The following WDR43 variants were observed in gnomAD, a reference collection of about 807,000 sequenced individuals.
WDR43 encodes WD repeat-containing protein 43.
A neutral mutation model predicts 91.4 loss-of-function variants in WDR43; 13 were observed. The ratio of observed to expected loss-of-function variants is 0.14; its 90% CI spans 0.09 to 0.23. The LOEUF (loss-of-function observed/expected upper bound fraction) is 0.23, where lower values mean the gene tolerates loss of function less well. WDR43 is among the 10% of genes least tolerant of loss of function. The pLI is 1.00. For missense variants in WDR43, 780 were observed against 809.4 expected (o/e 0.96, Z 0.44); for synonymous variants, 331 against 287.9 (o/e 1.15, Z -1.51).
intron 1 of WDR43, among the ~76,000 whole-genome samples, chr2:28,901,252 A>G (rs1435471908): frequency 6.6e-6 from 1 of 152,260 alleles, no homozygotes; most frequent in African/African-American, 2.4e-5. Context: ...AAACTGATGT[A>G]GTGCTTTTAA....
intron 5 of WDR43, among the ~76,000 whole-genome samples, chr2:28,914,441 T>G (rs1277834270): frequency 6.6e-6 from 1 of 152,166 alleles, no homozygotes; most frequent in Non-Finnish European, 1.5e-5. Context: ...GACTGAACAT[T>G]TCTGTGGTTG....
intron 1 of WDR43, chr2:28,895,204 G>T: frequency 3.2e-6 from 1 of 314,488 alleles, no homozygotes; most frequent in Non-Finnish European, 5.8e-6. Flanking sequence ...GGGCAGCCAT[G>T]TTCGCCAAGT....
At chr2:28,945,937 A>G (rs1671534916) in intron 16 of WDR43, among the ~76,000 whole-genome samples, 1 of 151,156 alleles carries the variant, frequency 6.6e-6, no homozygotes, top group Admixed American at 6.6e-5. Flanking sequence ...GGTGGCCCTG[A>G]TAGGGCTTAG....
At chr2:28,926,145 G>A (rs546751375) in intron 8 of WDR43, among the ~76,000 whole-genome samples, 46 of 152,204 alleles carry the variant, frequency 3.0e-4, no homozygotes, top group Non-Finnish European at 4.9e-4. Flanking sequence ...GAACTGATAC[G>A]TTTTCTTTAA....
chr2:28,904,689 T>C (rs1670644246), intron 2 of WDR43, among the ~76,000 whole-genome samples: 1 of 152,276 alleles, frequency 6.6e-6, no homozygotes, highest in Non-Finnish European at 1.5e-5. Flanking sequence ...CTTTAGTTAC[T>C]TGCGTGTATA....
intron 16 of WDR43, among the ~76,000 whole-genome samples, chr2:28,943,358 C>T (rs1174141670): frequency 6.6e-6 from 1 of 152,148 alleles, no homozygotes; most frequent in Non-Finnish European, 1.5e-5. Context: ...ATCTTGTACA[C>T]CGTGGCCTCA....
Position 28,927,607 on chromosome 2 carries a change from G to A in WDR43, c.1212G>A (p.Leu404=), listed in dbSNP as rs1366938634. 6.2e-7 allele frequency: 1 copy of A among 1,613,864 alleles called. No individual in the cohort carries two copies. Among genetic ancestry groups the A allele is most frequent in the Admixed American group, 1.7e-5 (1 of 59,998 alleles). ...TPVMNSEAKV[L]VPGIPGHHAA... ...TGATGAATTCTGAAGCAAAAGTTCT[G>A]GTGCCTGGGATTCCTGGTCATCATG... Residue 404 remains leucine (L), a synonymous_variant, in exon 10 of 18, where the codon CTG becomes CTA. Coordinates refer to ENST00000407426, the MANE Select transcript of WDR43 (RefSeq NM_015131.3).
Position 28,914,182 on chromosome 2 carries a change from A to G in WDR43, c.720A>G (p.Ala240=). Residue 240 remains alanine, a synonymous_variant, in exon 5 of 18, where the codon GCA becomes GCG. Coordinates refer to ENST00000407426, the MANE Select transcript of WDR43 (RefSeq NM_015131.3). Reference sequence around the variant, plus strand: ...CAGGTCTTTATTTCTTATCTGGAGCAGTACATGACCGGTTACTTAATGTCT... The same window carrying G: ...CAGGTCTTTATTTCTTATCTGGAGCGGTACATGACCGGTTACTTAATGTCT... ...GITGLYFLSG[A]VHDRLLNVWQ... is the part of the protein sequence containing the mutation. 1 of 1,613,856 alleles carries G rather than the reference A, an allele frequency of 6.2e-7. No homozygotes were observed. Among genetic ancestry groups the G allele is most frequent in the Non-Finnish European group, 8.5e-7 (1 of 1,179,836 alleles).
intron 12 of WDR43, among the ~76,000 whole-genome samples, chr2:28,935,928 A>AT (rs1415624720): frequency 6.6e-6 from 1 of 152,178 alleles, no homozygotes; most frequent in Non-Finnish European, 1.5e-5. Context: ...TAATTGTTGT[A>AT]AACACCCCAA....
At chr2:28,918,681 T>C (rs1670963631) in intron 6 of WDR43, among the ~76,000 whole-genome samples, 1 of 152,178 alleles carries the variant, frequency 6.6e-6, no homozygotes, top group South Asian at 2.1e-4. Flanking sequence ...TATATGTATG[T>C]ATTTTATAAG....
intron 7 of WDR43, among the ~76,000 whole-genome samples, chr2:28,923,484 C>T (rs1671075620): frequency 6.6e-6 from 1 of 152,140 alleles, no homozygotes; most frequent in African/African-American, 2.4e-5. Context: ...GAAAACTTGC[C>T]AAACCTTGTC....
At position 28,947,337 on chromosome 2, in the gene WDR43, T is replaced by G. The variant is rs1233889563; in HGVS notation, c.*558T>G. On this transcript the variant is annotated 3_prime_UTR_variant, in exon 18 of 18. Transcript: ENST00000407426. ...TCCCTAGCTTGTCTATTAACTGTGATAATCTGACTTGAGTCAGATTGAATA... is the reference window on the plus strand; with the variant it reads ...TCCCTAGCTTGTCTATTAACTGTGAGAATCTGACTTGAGTCAGATTGAATA... 1 of 152,234 alleles carries G rather than the reference T, an allele frequency of 6.6e-6. No individual in the cohort carries two copies. The highest frequency in any genetic ancestry group is 1.5e-5 in the Non-Finnish European group (1 of 68,032). The allele number at this position is 152,234 out of a possible 1,614,324, so 9.4% of individuals were successfully genotyped here.
intron 3 of WDR43, among the ~76,000 whole-genome samples, chr2:28,907,821 G>A (rs934804260): frequency 3.3e-5 from 5 of 151,126 alleles, no homozygotes; most frequent in Middle Eastern, 6.9e-3. Context: ...GGAGAATGGC[G>A]TGAACCCGGG....
chr2:28,946,910 C>G lies in WDR43; in HGVS notation c.*131C>G. On this transcript the variant is annotated 3_prime_UTR_variant, in exon 18 of 18. Transcript: ENST00000407426. ...ATTCACAGCAGTGGATCCCATGCCA[C>G]TTTGCTGTCCTGAGCACCCCAGACT... The G allele has an allele frequency of 9.5e-7, 1 of 1,052,448 alleles. No individual in the cohort carries two copies. The highest frequency in any genetic ancestry group is 1.3e-6 in the Non-Finnish European group (1 of 750,498). 65.2% of individuals were successfully genotyped at this position (1,052,448 alleles called of 1,614,324 possible).
At chr2:28,904,113 T>C (rs1462024642) in intron 2 of WDR43, among the ~76,000 whole-genome samples, 1 of 152,126 alleles carries the variant, frequency 6.6e-6, no homozygotes, top group Non-Finnish European at 1.5e-5. Flanking sequence ...CTAGAACTCC[T>C]TTTTATATCA....
intron 10 of WDR43, among the ~76,000 whole-genome samples, chr2:28,928,909 A>G (rs981192009): frequency 2.0e-5 from 3 of 152,110 alleles, no homozygotes; most frequent in African/African-American, 7.2e-5. Flanking sequence ...ACCTGGGCTC[A>G]AGTGATCCGC....
Position 28,897,232 on chromosome 2 carries a change from T to C in WDR43, c.225+2309T>C, listed in dbSNP as rs79088968. 5.5e-3 allele frequency among the ~76,000 whole-genome samples: 843 copies of C among 152,294 alleles called. 8 individuals are homozygous for C. Among genetic ancestry groups the C allele is most frequent in the African/African-American group, 0.019 (795 of 41,554 alleles). On this transcript the variant is annotated intron_variant, in intron 1 of 17. Coordinates refer to ENST00000407426, the MANE Select transcript of WDR43 (RefSeq NM_015131.3). Reference sequence around the variant, plus strand: ...ACAGTTTTCTTGTATTAAAACAAACTTGCACATATATTATGGTATAAAATT... The same window carrying C: ...ACAGTTTTCTTGTATTAAAACAAACCTGCACATATATTATGGTATAAAATT...
intron 16 of WDR43, among the ~76,000 whole-genome samples, 191 bp downstream of exon 16, chr2:28,942,572 C>T (rs1178775886): frequency 6.7e-6 from 1 of 149,222 alleles, no homozygotes. Context: ...AAGTATAATA[C>T]AGTGACAAAA....
Position 28,914,187 on chromosome 2 carries a change from A to G in WDR43, c.725A>G (p.His242Arg), listed in dbSNP as rs1670861683. The G allele has an allele frequency of 6.2e-7, 1 of 1,613,590 alleles. No homozygotes were observed. The highest frequency in any genetic ancestry group is 8.5e-7 in the Non-Finnish European group (1 of 1,179,750). Reference sequence around the variant, plus strand: ...CTTTATTTCTTATCTGGAGCAGTACATGACCGGTTACTTAATGTCTGGTAT... The same window carrying G: ...CTTTATTTCTTATCTGGAGCAGTACGTGACCGGTTACTTAATGTCTGGTAT... ...TGLYFLSGAV[H>R]DRLLNVWQVR... Residue 242 changes from histidine to arginine, a missense_variant, in exon 5 of 18, where the codon CAT becomes CGT. Physicochemically the swap from His to Arg is conservative, Grantham distance 29 (BLOSUM62 0). Coordinates refer to ENST00000407426, the MANE Select transcript of WDR43 (RefSeq NM_015131.3).
Sources: gnomAD v4.1 joint callset for allele counts (sites outside exome capture counted in the v4.1 genomes callset) on GRCh38, gnomAD v4.1.1 for gene constraint, MANE v1.5 for transcripts, NCBI Gene and HGNC (gene_info 2026-07-23, HGNC 2026-07-21) for gene names.